NRG1: variants seen among roughly 807,000 people sequenced by gnomAD.
NRG1 encodes the protein pro-neuregulin-1, membrane-bound isoform.
In NRG1, 18 loss-of-function variants were observed where a neutral mutation model predicts 63.8. The ratio of observed to expected loss-of-function variants is 0.28; its 90% CI spans 0.19 to 0.42. The LOEUF is 0.42. NRG1 is among the 10% of genes least tolerant of loss of function. The pLI is 1.00. For synonymous variants in NRG1, 302 were observed against 301.3 expected, an observed-to-expected ratio of 1.00 and a Z score of -0.02; for missense variants, 762 against 814.7, an observed-to-expected ratio of 0.94 and a Z score of 0.79.
At chr8:32,581,760 G>A (rs1460470101) in intron 1 of NRG1, among the ~76,000 whole-genome samples, 2 of 152,146 alleles carry the variant, frequency 1.3e-5, no homozygotes, top group Non-Finnish European at 2.9e-5. Flanking sequence ...TGGAGGGATT[G>A]CAAATATAGG....
intron 1 of NRG1, among the ~76,000 whole-genome samples, chr8:31,857,680 T>C (rs1828053421): frequency 1.3e-5 from 2 of 152,260 alleles, no homozygotes; most frequent in South Asian, 4.1e-4. Context: ...TACATCATTT[T>C]AATAGGTATT....
intron 1 of NRG1, among the ~76,000 whole-genome samples, chr8:32,369,358 A>G (rs1030794172): frequency 2.0e-5 from 3 of 152,192 alleles, no homozygotes; most frequent in Non-Finnish European, 4.4e-5. Flanking sequence ...CTTTTTTGCC[A>G]TGTTTGCCCC....
In NRG1 at chr8:32,163,128, T is replaced by C. The variant is rs1189566129; in HGVS notation, c.38-432700T>C. 2.0e-5 allele frequency among the ~76,000 whole-genome samples: 3 copies of C among 152,160 alleles called. No homozygotes were observed. In the East Asian group the frequency reaches 5.8e-4, roughly 29 times the overall value. ...ATTTATCCAATAAGTGGTTCAACAA[T>C]TACAAGAGCGAGACAGGAAGGGAAC... On this transcript the variant is annotated intron_variant, in intron 1 of 10. Transcript: ENST00000519301.
chr8:31,968,174 G>GGCAAAAATAAGTATGCAT (rs912821892), intron 1 of NRG1, among the ~76,000 whole-genome samples: 3 of 152,070 alleles, frequency 2.0e-5, no homozygotes, highest in African/African-American at 7.2e-5. Flanking sequence ...AAATAAGATG[G>GGCAAAAATAAGTATGCAT]GCAAAAATAA....
intron 1 of NRG1, among the ~76,000 whole-genome samples, chr8:32,271,340 G>T (rs1380125899): frequency 6.6e-6 from 1 of 152,152 alleles, no homozygotes; most frequent in East Asian, 1.9e-4. Context: ...AATGATTTAA[G>T]AAATCAAAGT....
intron 1 of NRG1, among the ~76,000 whole-genome samples, chr8:32,526,356 A>G (rs1026569118): frequency 1.3e-5 from 2 of 152,196 alleles, no homozygotes; most frequent in African/African-American, 2.4e-5. Flanking sequence ...AGTTTGTTTA[A>G]TCAAAGCTAG....
chr8:31,644,675 C>G (rs1156759123), intron 1 of NRG1, among the ~76,000 whole-genome samples: 2 of 152,068 alleles, frequency 1.3e-5, no homozygotes, highest in African/African-American at 4.8e-5. Flanking sequence ...TCTATTCATT[C>G]TTCCGGAAAT....
At chr8:32,165,799 A>G (rs1839335251) in intron 1 of NRG1, among the ~76,000 whole-genome samples, 1 of 152,126 alleles carries the variant, frequency 6.6e-6, no homozygotes, top group African/African-American at 2.4e-5. Flanking sequence ...AACCCATAAT[A>G]TCTCCTGAAT....
intron 5 of NRG1, among the ~76,000 whole-genome samples, chr8:32,637,781 AGCACACATTT>A (rs1367027864): frequency 1.2e-4 from 18 of 152,164 alleles, no homozygotes; most frequent in African/African-American, 4.1e-4. Context: ...TGGGTTCTGG[AGCACACATTT>A]TGTGTGCTCC....
At chr8:31,984,662 C>T (rs1563648328) in intron 1 of NRG1, among the ~76,000 whole-genome samples, 1 of 151,966 alleles carries the variant, frequency 6.6e-6, no homozygotes, top group Non-Finnish European at 1.5e-5. Context: ...TATTGGGAAC[C>T]CATAACCTTT....
chr8:32,249,957 T>C lies in NRG1; in HGVS notation c.38-345871T>C, dbSNP rs79058497. ...AAACGGGAGTCATCCAGAAGTCTTATAAAAGTCATGAAGAAGGGTGGAGAT... is the reference window on the plus strand; with the variant it reads ...AAACGGGAGTCATCCAGAAGTCTTACAAAAGTCATGAAGAAGGGTGGAGAT... On this transcript the variant is annotated intron_variant, in intron 1 of 10. Coordinates refer to the NRG1 transcript ENST00000519301. 9.2e-3 allele frequency among the ~76,000 whole-genome samples: 1,396 copies of C among 152,208 alleles called. 33 individuals carry two copies. Among genetic ancestry groups the C allele is most frequent in the African/African-American group, 0.031 (1,301 of 41,530 alleles).
chr8:32,495,709 G>A (rs567628435), intron 1 of NRG1, among the ~76,000 whole-genome samples: 3 of 152,096 alleles, frequency 2.0e-5, no homozygotes, highest in Non-Finnish European at 2.9e-5. Flanking sequence ...TGATCCACCC[G>A]CTTCAGCCTC....
At chr8:32,057,527 A>G (rs1823141955) in intron 1 of NRG1, among the ~76,000 whole-genome samples, 1 of 152,130 alleles carries the variant, frequency 6.6e-6, no homozygotes, top group Non-Finnish European at 1.5e-5. Flanking sequence ...ATTTGTCAAA[A>G]CAAGATACAT....
chr8:32,773,339 G>A (rs2129067863), intron 7 of NRG1, among the ~76,000 whole-genome samples: 1 of 152,114 alleles, frequency 6.6e-6, no homozygotes, highest in South Asian at 2.1e-4. Context: ...CTCTAGCCAG[G>A]ACTGTGAAGG....
intron 1 of NRG1, among the ~76,000 whole-genome samples, chr8:32,261,840 A>G (rs1246057445): frequency 2.6e-5 from 4 of 152,172 alleles, no homozygotes; most frequent in Non-Finnish European, 5.9e-5. Flanking sequence ...ATGTGTTTTA[A>G]TAGTGTTCCC....
intron 1 of NRG1, among the ~76,000 whole-genome samples, chr8:31,643,714 T>C (rs1161927829): frequency 6.6e-6 from 1 of 152,258 alleles, no homozygotes; most frequent in Non-Finnish European, 1.5e-5. Context: ...TTGGGTTTTA[T>C]GTTCATTGGA....
intron 1 of NRG1, among the ~76,000 whole-genome samples, chr8:31,718,052 T>C (rs1318795226): frequency 1.3e-5 from 2 of 152,222 alleles, no homozygotes; most frequent in African/African-American, 4.8e-5. Flanking sequence ...ATGTCTTGAC[T>C]CTCTTAAAAA....
At chr8:31,884,400 G>A (rs10954815) in intron 1 of NRG1, among the ~76,000 whole-genome samples, 176 of 152,110 alleles carry the variant, frequency 1.2e-3, no homozygotes, top group Middle Eastern at 6.8e-3. Context: ...ATCTCTGATC[G>A]CCAAAGCAGG....
chr8:32,162,363 A>T (rs1411575685), intron 1 of NRG1, among the ~76,000 whole-genome samples: 1 of 152,166 alleles, frequency 6.6e-6, no homozygotes, highest in Non-Finnish European at 1.5e-5. Flanking sequence ...GCATGCGTAC[A>T]TTTTTCACCT....
Sources: allele counts gnomAD v4.1 joint callset (sites outside exome capture counted in the v4.1 genomes callset), GRCh38; gene constraint gnomAD v4.1.1; transcripts MANE v1.5; gene names NCBI Gene and HGNC (gene_info 2026-07-23, HGNC 2026-07-21).